Variants in COL13A1 observed in about 807,000 individuals in gnomAD.
COL13A1 encodes collagen type XIII alpha 1 chain.
COL13A1 carries 89 observed loss-of-function variants against 130.9 expected under a neutral mutation model. The observed-to-expected ratio is 0.68, with a 90% CI of 0.57 to 0.81. COL13A1 has a LOEUF of 0.81. Ranked by LOEUF, COL13A1 falls within the 30% of genes least tolerant of loss-of-function variation. The pLI is 0.00. For missense variants in COL13A1, 879 were observed against 934.6 expected (o/e 0.94, Z 0.78); for synonymous variants, 402 against 341.6 (o/e 1.18, Z -1.95).
Position 69,802,476 on chromosome 10 carries a change from G to T in COL13A1, c.53G>T (p.Gly18Val). 1 of 1,518,962 alleles carries T rather than the reference G, an allele frequency of 6.6e-7. No individual in the cohort carries two copies. The highest frequency in any genetic ancestry group is 8.8e-7 in the Non-Finnish European group (1 of 1,136,884). 94.1% of individuals were successfully genotyped at this position (1,518,962 alleles called of 1,614,324 possible). The change falls in exon 1 of 41, where the codon GGG becomes GTG. Residue 18 changes from glycine (G) to valine (V), a missense_variant. Coordinates refer to ENST00000645393, the MANE Select transcript of COL13A1 (RefSeq NM_001368882.1). ...GCAGCCACCGGTGCCCGCGGCCCTG[G>T]GGAGTTGGGCGCGCCCGGGACGGTG... ...KAAATGARGPGELGAPGTVAL... is the reference protein window; with the variant it reads ...KAAATGARGPVELGAPGTVAL...
At chr10:69,917,157 A>C in intron 17 of COL13A1, 132 bp from the exon 18 acceptor site, 1 of 1,054,902 alleles carries the variant, frequency 9.5e-7, no homozygotes, top group Non-Finnish European at 1.4e-6. Context: ...CCACCAGGGC[A>C]GGGTCCTCAG....
intron 2 of COL13A1, among the ~76,000 whole-genome samples, chr10:69,830,200 G>A (rs2132888890): frequency 6.6e-6 from 1 of 152,308 alleles, no homozygotes; most frequent in Middle Eastern, 3.4e-3. Context: ...AAAGAATCGT[G>A]TCCAATAAAG....
At chr10:69,913,066 C>T (rs150109050) in intron 17 of COL13A1, among the ~76,000 whole-genome samples, 344 of 152,296 alleles carry the variant, frequency 2.3e-3, no homozygotes, top group African/African-American at 7.7e-3. Flanking sequence ...TCAAAGCAAA[C>T]GCCTCTCTAC....
intron 35 of COL13A1, among the ~76,000 whole-genome samples, chr10:69,942,934 A>G (rs550242767): frequency 1.8e-3 from 276 of 152,072 alleles, no homozygotes; most frequent in African/African-American, 6.2e-3. Flanking sequence ...TGCAACCTCC[A>G]CCTCCGGGTT....
chr10:69,937,470 G>A (rs527499132), intron 33 of COL13A1, among the ~76,000 whole-genome samples, 165 bp from the exon 34 acceptor site: 1 of 152,266 alleles, frequency 6.6e-6, no homozygotes, highest in South Asian at 2.1e-4. Context: ...ACTAACTGAG[G>A]CGAGAGTAGG....
intron 34 of COL13A1, among the ~76,000 whole-genome samples, chr10:69,938,730 A>G (rs1456978956): frequency 6.6e-6 from 1 of 152,230 alleles, no homozygotes; most frequent in Non-Finnish European, 1.5e-5. Context: ...CCAAACAGCA[A>G]ATGCAGGAGG....
intron 2 of COL13A1, among the ~76,000 whole-genome samples, chr10:69,835,188 G>A (rs1849729863): frequency 6.6e-6 from 1 of 152,154 alleles, no homozygotes; most frequent in South Asian, 2.1e-4. Flanking sequence ...ACCCAGTGGA[G>A]GGTCCCTTGA....
In COL13A1 at chr10:69,947,330, C is replaced by A. The variant is rs781557743; in HGVS notation, c.2046C>A (p.Asp682Glu). The A allele has an allele frequency of 1.2e-6, 2 of 1,612,962 alleles. No homozygotes were observed. Among genetic ancestry groups the A allele is most frequent in the Admixed American group, 3.3e-5 (2 of 59,872 alleles). ...GLPGLHGPPG[D>E]KGNRGERGKK... ...AGGGTTTACATGGACCACCCGGGGA[C>A]AAGGGAAACCGGGTGAGTCTGAGCC... is the stretch of plus-strand genomic sequence containing the variant. The change falls in exon 38 of 41, where the codon GAC becomes GAA. Residue 682 changes from aspartate to glutamate, a missense_variant. Around this residue, in one of 3 missense-constraint regions of COL13A1, gnomAD observed 68 missense variants for 65.8 expected, o/e 1.03. Transcript: ENST00000645393.
rs1335682813 is a variant in COL13A1 at position 69,949,198 on chromosome 10, C to T, written c.2058+1856C>T. Among the ~76,000 whole-genome samples the T allele has an allele frequency of 2.6e-5, 4 of 152,238 alleles. No homozygotes were observed. The East Asian group carries it at 7.8e-4, about 30-fold the overall frequency. ...CTCCCATTCTGACCTTTCTTTGTTT[C>T]TTCGAGACAGAGTCTTGCTCTGTCG... On this transcript the variant is annotated intron_variant, in intron 38 of 40. Transcript: ENST00000645393.
intron 13 of COL13A1, among the ~76,000 whole-genome samples, chr10:69,896,169 T>C (rs2061618392): frequency 6.6e-6 from 1 of 152,202 alleles, no homozygotes. Context: ...GAAACCCTTC[T>C]CCAAGCAGGG....
intron 2 of COL13A1, among the ~76,000 whole-genome samples, chr10:69,825,379 A>C (rs1847229342): frequency 6.6e-6 from 1 of 152,220 alleles, no homozygotes; most frequent in African/African-American, 2.4e-5. Flanking sequence ...TGCCACATAC[A>C]AATTCAAAGC....
intron 34 of COL13A1, among the ~76,000 whole-genome samples, chr10:69,938,677 C>G (rs528792782): frequency 2.0e-5 from 3 of 152,190 alleles, no homozygotes; most frequent in Admixed American, 6.5e-5. Context: ...CAGTTACCCC[C>G]GCTTGGCAGA....
chr10:69,917,156 C>G, intron 17 of COL13A1, 133 bp from the exon 18 acceptor site: 1 of 1,051,596 alleles, frequency 9.5e-7, no homozygotes, highest in Non-Finnish European at 1.4e-6. Flanking sequence ...GCCACCAGGG[C>G]AGGGTCCTCA....
rs561919992 is a variant in COL13A1 at position 69,860,012 on chromosome 10, C to T, written c.365-7786C>T. 6.6e-5 allele frequency among the ~76,000 whole-genome samples: 10 copies of T among 152,208 alleles called. No individual in the cohort carries two copies. In the South Asian group the frequency reaches 1.2e-3, roughly 19 times the overall value. ...GAGCTTGCTTCTGAGTAGAGACCAA[C>T]GTGGGGCCAGCCTCACCCCAGGACC... On this transcript the variant is annotated intron_variant, in intron 2 of 40. Transcript: ENST00000645393.
intron 2 of COL13A1, among the ~76,000 whole-genome samples, chr10:69,830,230 T>A (rs578001891): frequency 6.6e-6 from 1 of 152,222 alleles, no homozygotes; most frequent in Non-Finnish European, 1.5e-5. Context: ...TCCTAGGCAC[T>A]TCTGAGAGAA....
At chr10:69,909,958 G>A (rs1333279037) in intron 17 of COL13A1, among the ~76,000 whole-genome samples, 1 of 152,184 alleles carries the variant, frequency 6.6e-6, no homozygotes, top group Non-Finnish European at 1.5e-5. Context: ...AGCCATGCTG[G>A]AATTTGAAAC....
intron 9 of COL13A1, 43 bp from the exon 10 acceptor site, chr10:69,889,371 G>A: frequency 6.3e-7 from 1 of 1,597,614 alleles, no homozygotes; most frequent in Non-Finnish European, 8.5e-7. Context: ...GAACTTCTGG[G>A]CTGCGAACAG....
intron 17 of COL13A1, among the ~76,000 whole-genome samples, chr10:69,907,896 C>T (rs1012660877): frequency 6.6e-6 from 1 of 152,252 alleles, no homozygotes; most frequent in Non-Finnish European, 1.5e-5. Context: ...ATAATCTAAT[C>T]ACCTCTTAAA....
chr10:69,892,400 G>A (rs2061267365), intron 10 of COL13A1, among the ~76,000 whole-genome samples: 1 of 152,202 alleles, frequency 6.6e-6, no homozygotes, highest in Non-Finnish European at 1.5e-5. Context: ...TTATTCCCAA[G>A]AACCTGAAAT....
Sources: gnomAD v4.1 joint callset for allele counts (sites outside exome capture counted in the v4.1 genomes callset) on GRCh38, gnomAD v4.1.1 for gene constraint, gnomAD v4.1.1 regional missense constraint, MANE v1.5 for transcripts, NCBI Gene and HGNC (gene_info 2026-07-23, HGNC 2026-07-21) for gene names.